CDH13: variants seen among roughly 807,000 people sequenced by gnomAD.
CDH13 encodes the protein cadherin-13.
In CDH13, 24 loss-of-function variants were observed where a neutral mutation model predicts 63.8. The ratio of observed to expected loss-of-function variants is 0.38; its 90% CI spans 0.27 to 0.53. The LOEUF (loss-of-function observed/expected upper bound fraction) is 0.53. CDH13 is among the 20% of genes least tolerant of loss of function. CDH13 has a pLI of 0.85. For missense variants in CDH13, 1,049 were observed against 903.1 expected (o/e 1.16, Z -2.07); for synonymous variants, 503 against 355.3 (o/e 1.42, Z -4.67).
chr16:83,724,788 C>T (rs1174337849), intron 10 of CDH13, among the ~76,000 whole-genome samples: 10 of 152,198 alleles, frequency 6.6e-5, no homozygotes, highest in Non-Finnish European at 1.5e-4. Flanking sequence ...TCAGCAGGGA[C>T]ACAACCAGCT....
chr16:83,300,097 C>G (rs867446515), intron 5 of CDH13, among the ~76,000 whole-genome samples: 8 of 152,124 alleles, frequency 5.3e-5, no homozygotes, highest in African/African-American at 1.9e-4. Context: ...AGCCCATACT[C>G]AAAGGGAAGA....
chr16:83,681,496 C>T (rs1161240957), intron 10 of CDH13, among the ~76,000 whole-genome samples: 1 of 152,148 alleles, frequency 6.6e-6, no homozygotes, highest in Non-Finnish European at 1.5e-5. Context: ...GGAGCCACAG[C>T]GGCCCACACG....
At chr16:83,603,520 T>C (rs1290470503) in intron 8 of CDH13, among the ~76,000 whole-genome samples, 1 of 152,184 alleles carries the variant, frequency 6.6e-6, no homozygotes, top group Non-Finnish European at 1.5e-5. Context: ...AAACAGGAAG[T>C]GAACCAGGTT....
chr16:82,753,151 G>A (rs1271538130), intron 1 of CDH13, among the ~76,000 whole-genome samples: 1 of 152,138 alleles, frequency 6.6e-6, no homozygotes, highest in Non-Finnish European at 1.5e-5. Context: ...TCCTCCTCAT[G>A]AGTCCATGGA....
At chr16:82,823,136 G>C (rs755354931) in intron 1 of CDH13, 6 of 152,226 alleles carry the variant, frequency 3.9e-5, no homozygotes, top group African/African-American at 1.2e-4. Flanking sequence ...GGCTGGACAA[G>C]CTGTACTACC....
chr16:83,217,945 G>C (rs1435063143), intron 5 of CDH13, among the ~76,000 whole-genome samples: 1 of 152,188 alleles, frequency 6.6e-6, no homozygotes, highest in African/African-American at 2.4e-5. Flanking sequence ...TTGCAAGGCA[G>C]TTTTCTCTAG....
At chr16:83,733,373 C>G (rs1481255236) in intron 10 of CDH13, among the ~76,000 whole-genome samples, 3 of 152,180 alleles carry the variant, frequency 2.0e-5, no homozygotes, top group East Asian at 1.9e-4. Flanking sequence ...CCCTGCAGCC[C>G]TCCCGGTAAC....
chr16:82,757,706 C>A (rs557492946), intron 1 of CDH13, among the ~76,000 whole-genome samples: 1 of 129,128 alleles, frequency 7.7e-6, no homozygotes, highest in Non-Finnish European at 1.7e-5. Flanking sequence ...CGCAGTGGTG[C>A]GATCTTGGTT....
At chr16:82,975,226 A>T (rs1909331975) in intron 2 of CDH13, among the ~76,000 whole-genome samples, 1 of 152,140 alleles carries the variant, frequency 6.6e-6, no homozygotes. Context: ...TCTTTGGGAG[A>T]GGATGCACAA....
chr16:83,144,619 C>G (rs765315218), intron 4 of CDH13, among the ~76,000 whole-genome samples: 1 of 152,190 alleles, frequency 6.6e-6, no homozygotes, highest in Non-Finnish European at 1.5e-5. Flanking sequence ...ATACTATGCC[C>G]AGATCCTGCC....
chr16:82,813,556 T>C (rs1032874892), intron 1 of CDH13, among the ~76,000 whole-genome samples: 2 of 152,112 alleles, frequency 1.3e-5, no homozygotes, highest in Admixed American at 6.5e-5. Context: ...GGGGTTAAGA[T>C]AAAAGGCTTC....
intron 6 of CDH13, chr16:83,397,388 G>T (rs1003287657): frequency 6.6e-6 from 1 of 152,160 alleles, no homozygotes; most frequent in African/African-American, 2.4e-5. Flanking sequence ...ACCCTCAGAT[G>T]CTCTAATTTG....
intron 6 of CDH13, among the ~76,000 whole-genome samples, chr16:83,468,816 C>T (rs980442319): frequency 6.6e-6 from 1 of 152,198 alleles, no homozygotes; most frequent in African/African-American, 2.4e-5. Flanking sequence ...AGGTTTCTTA[C>T]ATAGGTAAAC....
intron 1 of CDH13, among the ~76,000 whole-genome samples, chr16:82,755,934 G>A (rs906569431): frequency 1.3e-5 from 2 of 152,186 alleles, no homozygotes; most frequent in Non-Finnish European, 2.9e-5. Flanking sequence ...TCAGAGAGGG[G>A]CCAGGAAGAC....
chr16:83,178,035 A>G (rs2151739562), intron 4 of CDH13, among the ~76,000 whole-genome samples: 1 of 152,282 alleles, frequency 6.6e-6, no homozygotes, highest in South Asian at 2.1e-4. Flanking sequence ...ACCCTAGCAT[A>G]GAAAAAAATA....
intron 2 of CDH13, among the ~76,000 whole-genome samples, chr16:82,863,710 T>C (rs1597835653): frequency 6.6e-6 from 1 of 152,206 alleles, no homozygotes; most frequent in Non-Finnish European, 1.5e-5. Flanking sequence ...CTTTCATTCA[T>C]AGACCTCAGC....
intron 6 of CDH13, among the ~76,000 whole-genome samples, chr16:83,356,211 CAT>C (rs1491270631): frequency 0.024 from 1,453 of 60,766 alleles, 29 homozygotes; most frequent in East Asian, 0.022. Flanking sequence ...TATTTATTTT[CAT>C]GTGTGTGTGT....
At chr16:83,591,426 C>T (rs1196734986) in intron 7 of CDH13, among the ~76,000 whole-genome samples, 1 of 152,198 alleles carries the variant, frequency 6.6e-6, no homozygotes, top group Non-Finnish European at 1.5e-5. Flanking sequence ...TGTTCTGCTC[C>T]TAACCAGCCA....
chr16:83,550,478 CAATT>C lies in CDH13; in HGVS notation c.961-51975_961-51972del, dbSNP rs571886243. On this transcript the variant is annotated intron_variant, in intron 7 of 13. Coordinates refer to ENST00000567109, the MANE Select transcript of CDH13 (RefSeq NM_001257.5). Reference sequence around the variant, plus strand: ...GGTGGCAGTGTCTTAATGATGGAGACAATTGATTGATAGGAGGTCAACTGCCAAG... The same window carrying C: ...GGTGGCAGTGTCTTAATGATGGAGACGATTGATAGGAGGTCAACTGCCAAG... Among the ~76,000 whole-genome samples the C allele has an allele frequency of 1.2e-3, 179 of 152,294 alleles. 2 individuals are homozygous for C. The highest frequency in any genetic ancestry group is 3.1e-3 in the African/African-American group (129 of 41,564).
Sources: allele counts gnomAD v4.1 joint callset (sites outside exome capture counted in the v4.1 genomes callset), GRCh38; gene constraint gnomAD v4.1.1; transcripts MANE v1.5; gene names NCBI Gene and HGNC (gene_info 2026-07-23, HGNC 2026-07-21).